CIMAP2: variants seen among roughly 807,000 people sequenced by gnomAD.
The protein encoded by CIMAP2 is ciliary microtubule associated protein 2.
chr1:54,811,765 G>GCCGGGGGGGGGGGGGGCCC, the CIMAP2 span: 2 of 1,301,330 alleles, frequency 1.5e-6, no homozygotes, highest in Non-Finnish European at 2.2e-6. Flanking sequence ...GGTTCTGACA[G>GCCGGGGGGGGGGGGGGCCC]CCTCCATGCC....
chr1:54,806,250 C>G, the CIMAP2 span: 3 of 1,489,320 alleles, frequency 2.0e-6, no homozygotes, highest in Non-Finnish European at 2.7e-6. Context: ...TGGGCTCACG[C>G]CCACGGTCCA....
the CIMAP2 span, among the ~76,000 whole-genome samples, chr1:54,819,824 C>CTTTCTTTTTCTTTCTT: frequency 1.0e-5 from 1 of 100,210 alleles, no homozygotes; most frequent in Non-Finnish European, 2.1e-5. Context: ...TTCTTTCTTT[C>CTTTCTTTTTCTTTCTT]TCTTTCTTTC....
the CIMAP2 span, chr1:54,814,016 C>T: frequency 1.3e-6 from 2 of 1,550,150 alleles, no homozygotes; most frequent in South Asian, 1.2e-5. Context: ...TCTCGGAGGG[C>T]AGCTCTCCTT....
the CIMAP2 span, among the ~76,000 whole-genome samples, chr1:54,826,027 A>G: frequency 6.6e-6 from 1 of 152,170 alleles, no homozygotes; most frequent in South Asian, 2.1e-4. Context: ...CAGTGGCTAC[A>G]GGTAGCATGG....
At chr1:54,816,101 G>A in the CIMAP2 span, among the ~76,000 whole-genome samples, 1 of 152,208 alleles carries the variant, frequency 6.6e-6, no homozygotes, top group Non-Finnish European at 1.5e-5. Flanking sequence ...TGACCCTACT[G>A]CTACCACAGA....
At chr1:54,819,927 CAT>C in the CIMAP2 span, among the ~76,000 whole-genome samples, 20,438 of 113,490 alleles carry the variant, frequency 0.18, 2,597 homozygotes, top group African/African-American at 0.33. Context: ...CCCTCCCCCC[CAT>C]ATTTCTTTTC....
the CIMAP2 span, chr1:54,807,462 G>GGCCT: frequency 2.1e-6 from 3 of 1,444,826 alleles, no homozygotes; most frequent in Non-Finnish European, 1.8e-6. Context: ...GCTTGGTGAG[G>GGCCT]GCCTGCTCTG....
chr1:54,819,888 CCCTT>C, the CIMAP2 span, among the ~76,000 whole-genome samples: 3 of 122,130 alleles, frequency 2.5e-5, no homozygotes, highest in Non-Finnish European at 3.6e-5. Context: ...TTTCTTCTTT[CCCTT>C]CCTTCCTTCT....
At chr1:54,821,895 T>TCCAGTACTGTG in the CIMAP2 span, among the ~76,000 whole-genome samples, 371 of 75,540 alleles carry the variant, frequency 4.9e-3, 7 homozygotes, top group Middle Eastern at 7.7e-3. Context: ...TCTTTTTTTT[T>TCCAGTACTGTG]TTTTTTTTTT....
the CIMAP2 span, chr1:54,814,941 C>A: frequency 6.2e-7 from 1 of 1,614,192 alleles, no homozygotes; most frequent in Non-Finnish European, 8.5e-7. Context: ...TTTCTGGCTT[C>A]CACAAGAGAA....
the CIMAP2 span, chr1:54,813,821 A>T: frequency 1.3e-6 from 2 of 1,587,414 alleles, no homozygotes; most frequent in Non-Finnish European, 1.7e-6. Flanking sequence ...TAGAAAAAAA[A>T]GCCCAGGGAA....
the CIMAP2 span, among the ~76,000 whole-genome samples, chr1:54,841,332 C>T: frequency 1.9e-3 from 285 of 152,276 alleles, 1 homozygote; most frequent in African/African-American, 6.6e-3. Context: ...TTCCAAAGGG[C>T]TCACGGGATG....
At chr1:54,823,096 T>C in the CIMAP2 span, among the ~76,000 whole-genome samples, 1 of 152,224 alleles carries the variant, frequency 6.6e-6, no homozygotes, top group South Asian at 2.1e-4. Flanking sequence ...CCATTTGGTC[T>C]ATAGTGTAGA....
chr1:54,836,047 A>G, the CIMAP2 span, among the ~76,000 whole-genome samples: 33 of 151,944 alleles, frequency 2.2e-4, no homozygotes, highest in African/African-American at 7.5e-4. Context: ...TGGGTAGGAA[A>G]GAGGGACTCA....
chr1:54,834,243 A>T, the CIMAP2 span, among the ~76,000 whole-genome samples: 1 of 152,146 alleles, frequency 6.6e-6, no homozygotes, highest in African/African-American at 2.4e-5. Context: ...ATTTTTTTCC[A>T]GGCAGCTTCA....
the CIMAP2 span, chr1:54,806,082 GGCAGCAGCGGAGGCGGGCAGC>G: frequency 9.1e-5 from 136 of 1,492,982 alleles, no homozygotes; most frequent in Non-Finnish European, 1.1e-4. Flanking sequence ...GGGTTGCCGT[GGCAGCAGCGGAGGCGGGCAGC>G]GCGCAGGCCT....
chr1:54,837,600 G>C, the CIMAP2 span, among the ~76,000 whole-genome samples: 14 of 152,166 alleles, frequency 9.2e-5, no homozygotes, highest in Non-Finnish European at 5.9e-5. Context: ...CCTGCCCAGT[G>C]GTGGGACAGT....
At chr1:54,807,251 G>A in the CIMAP2 span, among the ~76,000 whole-genome samples, 22 of 152,292 alleles carry the variant, frequency 1.4e-4, no homozygotes, top group African/African-American at 5.3e-4. Flanking sequence ...GATAAACGAG[G>A]GACTGCAGCA....
the CIMAP2 span, chr1:54,812,222 A>G: frequency 1.2e-6 from 2 of 1,612,660 alleles, no homozygotes; most frequent in Non-Finnish European, 1.7e-6. Flanking sequence ...GTGTTAGTCC[A>G]TGCCCCAGCA....
Sources: gnomAD v4.1 joint callset for allele counts (sites outside exome capture counted in the v4.1 genomes callset) on GRCh38, gnomAD v4.1.1 for gene constraint, MANE v1.5 for transcripts, NCBI Gene and HGNC (gene_info 2026-07-23, HGNC 2026-07-21) for gene names.